Variants in FAM117B observed in about 807,000 individuals in gnomAD.
The protein encoded by FAM117B is protein FAM117B.
FAM117B carries 22 observed loss-of-function variants against 52.8 expected under a neutral mutation model. That is an observed-to-expected ratio of 0.42 (90% confidence interval 0.30 to 0.59). The LOEUF (loss-of-function observed/expected upper bound fraction) is 0.59. FAM117B is among the 20% of genes least tolerant of loss of function. The probability of loss-of-function intolerance (pLI) is 0.22; values close to 1 mark genes in which losing one functional copy is unlikely to be tolerated. For synonymous variants in FAM117B, 309 were observed against 324.1 expected, an observed-to-expected ratio of 0.95 and a Z score of 0.50; for missense variants, 678 against 802.6, an observed-to-expected ratio of 0.84 and a Z score of 1.88.
At chr2:202,655,099 T>C (rs1464398778) in intron 1 of FAM117B, among the ~76,000 whole-genome samples, 1 of 152,298 alleles carries the variant, frequency 6.6e-6, no homozygotes, top group East Asian at 1.9e-4. Flanking sequence ...TCCTATAGTT[T>C]TACTTTTTTC....
chr2:202,645,435 G>A (rs1194017564), intron 1 of FAM117B, among the ~76,000 whole-genome samples: 4 of 150,604 alleles, frequency 2.7e-5, no homozygotes, highest in Admixed American at 6.6e-5. Flanking sequence ...GACTACAGGC[G>A]CCCGCCACCT....
chr2:202,756,421 A>G (rs1443988294), intron 5 of FAM117B, among the ~76,000 whole-genome samples: 1 of 152,198 alleles, frequency 6.6e-6, no homozygotes, highest in African/African-American at 2.4e-5. Context: ...TACACATGAG[A>G]ATAGTTGCTA....
At chr2:202,725,962 A>C (rs1045111718) in intron 3 of FAM117B, among the ~76,000 whole-genome samples, 1 of 152,134 alleles carries the variant, frequency 6.6e-6, no homozygotes, top group African/African-American at 2.4e-5. Flanking sequence ...AATGATTGTT[A>C]TTTTTTTAAT....
chr2:202,766,712 C>T lies in FAM117B; in HGVS notation c.*948C>T, dbSNP rs1691985353. ...GTGATATATATATATATCACACGCT[C>T]TCCCTCCTTTACCACAGGTGTCATT... On this transcript the variant is annotated 3_prime_UTR_variant, in exon 8 of 8. Coordinates refer to ENST00000392238, the MANE Select transcript of FAM117B (RefSeq NM_173511.4). The T allele has an allele frequency of 6.6e-6, 1 of 152,256 alleles. No individual in the cohort carries two copies. Among genetic ancestry groups the T allele is most frequent in the Non-Finnish European group, 1.5e-5 (1 of 68,048 alleles). 9.4% of individuals were successfully genotyped at this position (152,256 alleles called of 1,614,324 possible).
chr2:202,764,627 T>G (rs1574308985), intron 7 of FAM117B, among the ~76,000 whole-genome samples: 1 of 152,140 alleles, frequency 6.6e-6, no homozygotes. Context: ...CTTGATTTAT[T>G]TAGGTTCTCC....
intron 4 of FAM117B, among the ~76,000 whole-genome samples, chr2:202,733,344 C>T (rs1574574191): frequency 6.6e-6 from 1 of 152,132 alleles, no homozygotes. Flanking sequence ...TCTTAAACAA[C>T]AGAAAACAGG....
At chr2:202,636,010 C>T (rs1387822440) in intron 1 of FAM117B, among the ~76,000 whole-genome samples, 1 of 150,450 alleles carries the variant, frequency 6.6e-6, no homozygotes, top group Non-Finnish European at 1.5e-5. Flanking sequence ...ACCCCTCTGC[C>T]CGCCCCGCAC....
intron 2 of FAM117B, among the ~76,000 whole-genome samples, chr2:202,720,985 T>G (rs149491758): frequency 0.036 from 5,527 of 152,310 alleles, 129 homozygotes; most frequent in Non-Finnish European, 0.055. Context: ...CAAGAAAAAC[T>G]GATTTTTTTT....
At chr2:202,713,685 C>G (rs922789867) in intron 2 of FAM117B, among the ~76,000 whole-genome samples, 2 of 152,032 alleles carry the variant, frequency 1.3e-5, no homozygotes, top group Non-Finnish European at 2.9e-5. Context: ...TTCACTGTAT[C>G]CCATAGATTT....
chr2:202,712,754 A>G (rs982106037), intron 2 of FAM117B, among the ~76,000 whole-genome samples: 1 of 152,140 alleles, frequency 6.6e-6, no homozygotes, highest in African/African-American at 2.4e-5. Flanking sequence ...GGTTTTTATC[A>G]TGAAGAGATG....
chr2:202,635,986 C>CGCCCGCCT (rs1689680060), intron 1 of FAM117B, among the ~76,000 whole-genome samples, 198 bp downstream of exon 1: 1 of 149,676 alleles, frequency 6.7e-6, no homozygotes, highest in Non-Finnish European at 1.5e-5. Flanking sequence ...CCCGCCCGCC[C>CGCCCGCCT]GCCCGCCTCA....
At chr2:202,730,249 C>T (rs1457637985) in intron 4 of FAM117B, among the ~76,000 whole-genome samples, 2 of 152,086 alleles carry the variant, frequency 1.3e-5, no homozygotes, top group Admixed American at 6.5e-5. Context: ...ACGAGACAGC[C>T]AGAATTCTAA....
rs537946268 is a variant in FAM117B, at chr2:202,705,783, A to G, written c.753+9751A>G. 2.0e-5 allele frequency among the ~76,000 whole-genome samples: 3 copies of G among 152,316 alleles called. No individual in the cohort carries two copies. In the South Asian group the frequency reaches 6.2e-4, roughly 32 times the overall value. On this transcript the variant is annotated intron_variant, in intron 2 of 7. Coordinates refer to ENST00000392238, the MANE Select transcript of FAM117B (RefSeq NM_173511.4). ...TGGCAAATCTATTAATTTGGTTTAA[A>G]CTACCTGATTTTCAGAGTGCCTTTT...
intron 5 of FAM117B, 152 bp from the exon 6 acceptor site, chr2:202,757,061 G>A (rs1691810380): frequency 1.3e-6 from 1 of 782,992 alleles, no homozygotes; most frequent in Non-Finnish European, 2.0e-6. Flanking sequence ...AGACAGGGAT[G>A]TCACTAACGT....
intron 1 of FAM117B, among the ~76,000 whole-genome samples, chr2:202,659,416 C>T (rs1439725736): frequency 6.6e-6 from 1 of 151,428 alleles, no homozygotes; most frequent in East Asian, 1.9e-4. Flanking sequence ...CTCAGGCGAT[C>T]CTCCTACCTC....
chr2:202,658,537 A>G (rs1448177437), intron 1 of FAM117B, among the ~76,000 whole-genome samples: 1 of 152,078 alleles, frequency 6.6e-6, no homozygotes, highest in Non-Finnish European at 1.5e-5. Flanking sequence ...CCTGACCTCA[A>G]GTGATCCACC....
chr2:202,747,866 C>G (rs1195317435), intron 4 of FAM117B, among the ~76,000 whole-genome samples: 1 of 152,022 alleles, frequency 6.6e-6, no homozygotes, highest in Non-Finnish European at 1.5e-5. Context: ...GTTAAAATGA[C>G]CATACTATCC....
chr2:202,686,821 G>GGT (rs1690548588), intron 1 of FAM117B, among the ~76,000 whole-genome samples: 2 of 147,280 alleles, frequency 1.4e-5, no homozygotes, highest in Non-Finnish European at 3.1e-5. Flanking sequence ...AAAAAAAAGA[G>GGT]GTATTAGATA....
At chr2:202,689,448 CAA>C (rs1158386220) in intron 1 of FAM117B, among the ~76,000 whole-genome samples, 1 of 151,930 alleles carries the variant, frequency 6.6e-6, no homozygotes, top group Non-Finnish European at 1.5e-5. Context: ...GTCTAAAAAA[CAA>C]AAGCAGTTAG....
Sources: gnomAD v4.1 joint callset for allele counts (sites outside exome capture counted in the v4.1 genomes callset) on GRCh38, gnomAD v4.1.1 for gene constraint, MANE v1.5 for transcripts, NCBI Gene and HGNC (gene_info 2026-07-23, HGNC 2026-07-21) for gene names.